The following LRRC4C variants were observed in gnomAD, a reference collection of about 807,000 sequenced individuals.
The protein encoded by LRRC4C is leucine-rich repeat-containing protein 4C.
LRRC4C carries 5 observed loss-of-function variants against 33.6 expected under a neutral mutation model. The ratio of observed to expected loss-of-function variants is 0.15; its 90% CI spans 0.08 to 0.31. The LOEUF (loss-of-function observed/expected upper bound fraction) is 0.31. Among genes scored for constraint, LRRC4C ranks in the 10% least tolerant of loss-of-function variants. LRRC4C has a pLI of 1.00. For missense variants in LRRC4C, 560 were observed against 796.7 expected (o/e 0.70, Z 3.58); for synonymous variants, 329 against 302.0 (o/e 1.09, Z -0.93).
rs570556749 is a variant in LRRC4C, at chr11:40,991,229, A to T, written c.-495-57506T>A. Among the ~76,000 whole-genome samples, 16 of 138,196 alleles carry T rather than the reference A, an allele frequency of 1.2e-4. No homozygotes were observed. In the South Asian group the frequency reaches 3.5e-3, roughly 30 times the overall value. The allele number at this position is 138,196 out of a possible 152,430, so 90.7% of individuals were successfully genotyped here. ...TAAAAAAAAAAAAAAAAAAAAAAAAATCTAATGAGTGACAGCATTAATAAA... is the reference window on the plus strand; with the variant it reads ...TAAAAAAAAAAAAAAAAAAAAAAAATTCTAATGAGTGACAGCATTAATAAA... On this transcript the variant is annotated intron_variant, in intron 1 of 6. Coordinates refer to ENST00000528697, the MANE Select transcript of LRRC4C (RefSeq NM_001258419.2).
rs531165870 is a variant in LRRC4C, at chr11:41,223,440, C to T, written c.-496+235991G>A. Among the ~76,000 whole-genome samples the T allele has an allele frequency of 2.0e-5, 3 of 152,274 alleles. No individual in the cohort carries two copies. In the South Asian group the frequency reaches 6.2e-4, roughly 32 times the overall value. Reference sequence around the variant, plus strand: ...GTCTTAGTGGCTATAGTTTTCTCTACACAATTATTTATTCATTCATTCATC... The same window carrying T: ...GTCTTAGTGGCTATAGTTTTCTCTATACAATTATTTATTCATTCATTCATC... On this transcript the variant is annotated intron_variant, in intron 1 of 6. Transcript: ENST00000528697.
At chr11:41,065,114 G>GAGCCAAGT (rs1292181308) in intron 1 of LRRC4C, among the ~76,000 whole-genome samples, 1 of 152,168 alleles carries the variant, frequency 6.6e-6, no homozygotes, top group Non-Finnish European at 1.5e-5. Context: ...CTTGTTCAGT[G>GAGCCAAGT]GATCCCACTC....
chr11:41,404,261 G>A (rs11036386), intron 1 of LRRC4C, among the ~76,000 whole-genome samples: 11,836 of 151,908 alleles, frequency 0.078, 1,513 homozygotes, highest in African/African-American at 0.27. Context: ...CAAGCAAAGA[G>A]CTGAAGCCTA....
chr11:40,812,944 G>GA (rs947734331), intron 2 of LRRC4C, among the ~76,000 whole-genome samples: 6 of 151,766 alleles, frequency 4.0e-5, no homozygotes, highest in South Asian at 2.1e-4. Flanking sequence ...AGAGAAAGTG[G>GA]AAAAAAAATA....
intron 3 of LRRC4C, among the ~76,000 whole-genome samples, chr11:40,382,757 G>A (rs997854683): frequency 7.7e-6 from 1 of 129,844 alleles, no homozygotes; most frequent in Non-Finnish European, 1.5e-5. Flanking sequence ...TCAGTGGCTC[G>A]ATCTCCGCTC....
In LRRC4C at chr11:41,148,296, C is replaced by T. The variant is rs373695387; in HGVS notation, c.-495-214573G>A. Among the ~76,000 whole-genome samples, 20 of 152,092 alleles carry T rather than the reference C, an allele frequency of 1.3e-4. No homozygotes were observed. The South Asian group carries it at 3.3e-3, about 25-fold the overall frequency. ...TCCCAAAGTGCTGGGATTACAGGAG[C>T]AGGAGAAATTCTTGAGCCCTAGTGG... On this transcript the variant is annotated intron_variant, in intron 1 of 6. Coordinates refer to ENST00000528697, the MANE Select transcript of LRRC4C (RefSeq NM_001258419.2).
intron 2 of LRRC4C, among the ~76,000 whole-genome samples, chr11:40,747,714 A>G (rs1948495577): frequency 6.6e-6 from 1 of 152,140 alleles, no homozygotes; most frequent in East Asian, 1.9e-4. Flanking sequence ...AAAAGATATC[A>G]TAAAAAAGGA....
At chr11:40,492,610 T>C (rs1335665577) in intron 3 of LRRC4C, among the ~76,000 whole-genome samples, 4 of 152,150 alleles carry the variant, frequency 2.6e-5, no homozygotes, top group Non-Finnish European at 5.9e-5. Context: ...AATTCAACTG[T>C]TTCTTCCCAG....
intron 2 of LRRC4C, among the ~76,000 whole-genome samples, chr11:40,916,243 C>T (rs998479109): frequency 6.6e-6 from 1 of 152,146 alleles, no homozygotes; most frequent in Non-Finnish European, 1.5e-5. Flanking sequence ...AAGACACATG[C>T]ACATGTATGT....
chr11:41,173,562 C>T (rs1945068295), intron 1 of LRRC4C, among the ~76,000 whole-genome samples: 1 of 151,976 alleles, frequency 6.6e-6, no homozygotes, highest in Non-Finnish European at 1.5e-5. Context: ...AGTTTGTTTC[C>T]TTATTGGTCT....
At chr11:41,249,238 G>A (rs1415195793) in intron 1 of LRRC4C, among the ~76,000 whole-genome samples, 1 of 152,066 alleles carries the variant, frequency 6.6e-6, no homozygotes, top group East Asian at 1.9e-4. Flanking sequence ...ATTTCACCAT[G>A]TTAGCCAGGA....
At chr11:41,380,560 A>G (rs759862610) in intron 1 of LRRC4C, among the ~76,000 whole-genome samples, 2 of 152,208 alleles carry the variant, frequency 1.3e-5, no homozygotes, top group Non-Finnish European at 2.9e-5. Flanking sequence ...AAAATATAAA[A>G]GAAAATTAGC....
chr11:41,098,578 C>A (rs187851840), intron 1 of LRRC4C, among the ~76,000 whole-genome samples: 1 of 152,056 alleles, frequency 6.6e-6, no homozygotes, highest in Admixed American at 6.6e-5. Context: ...GTGTTTACAG[C>A]AAGTAAGCTT....
At chr11:40,263,314 A>C (rs1470205275) in intron 4 of LRRC4C, among the ~76,000 whole-genome samples, 1 of 152,166 alleles carries the variant, frequency 6.6e-6, no homozygotes, top group Non-Finnish European at 1.5e-5. Flanking sequence ...AAATGAAGAT[A>C]AAATTGGTAG....
chr11:41,173,679 A>G (rs566289014), intron 1 of LRRC4C, among the ~76,000 whole-genome samples: 1 of 152,204 alleles, frequency 6.6e-6, no homozygotes, highest in East Asian at 1.9e-4. Context: ...TTGACACCAT[A>G]GCCTACATTC....
At chr11:41,367,928 C>T (rs1323456366) in intron 1 of LRRC4C, among the ~76,000 whole-genome samples, 1 of 152,112 alleles carries the variant, frequency 6.6e-6, no homozygotes, top group Non-Finnish European at 1.5e-5. Flanking sequence ...CCCAGTAGGA[C>T]ATTCAGAGTC....
At chr11:41,220,423 A>C (rs1947251788) in intron 1 of LRRC4C, among the ~76,000 whole-genome samples, 2 of 152,044 alleles carry the variant, frequency 1.3e-5, no homozygotes, top group African/African-American at 4.8e-5. Flanking sequence ...TCTGCTGTGC[A>C]ACATTCAACT....
chr11:40,900,682 A>G (rs1490922568), intron 2 of LRRC4C, among the ~76,000 whole-genome samples: 1 of 151,930 alleles, frequency 6.6e-6, no homozygotes, highest in African/African-American at 2.4e-5. Context: ...CAAATCTACT[A>G]AATAATGTTC....
chr11:40,761,593 C>G (rs537223383), intron 2 of LRRC4C, among the ~76,000 whole-genome samples: 52 of 152,228 alleles, frequency 3.4e-4, no homozygotes, highest in African/African-American at 1.2e-3. Context: ...CTTTTTCAGA[C>G]ACTGCTGAAG....
Sources: gnomAD v4.1 joint callset for allele counts (sites outside exome capture counted in the v4.1 genomes callset) on GRCh38, gnomAD v4.1.1 for gene constraint, MANE v1.5 for transcripts, NCBI Gene and HGNC (gene_info 2026-07-23, HGNC 2026-07-21) for gene names.